The following ABCA4 variants were observed in gnomAD, a reference collection of about 807,000 sequenced individuals.
ABCA4 encodes the protein ATP binding cassette subfamily A member 4.
ABCA4 carries 196 observed loss-of-function variants against 263.7 expected under a neutral mutation model. The ratio of observed to expected loss-of-function variants is 0.74; its 90% CI spans 0.66 to 0.84. The LOEUF (loss-of-function observed/expected upper bound fraction) is 0.84, where lower values mean the gene tolerates loss of function less well. ABCA4 is among the 40% of genes least tolerant of loss of function. ABCA4 has a pLI of 0.00. For missense variants in ABCA4, 2,792 were observed against 2,855.1 expected (o/e 0.98, Z 0.50); for synonymous variants, 1,133 against 1,094.2 (o/e 1.04, Z -0.70).
In ABCA4 at chr1:94,060,569, T is replaced by G; in HGVS notation, c.2128A>C (p.Met710Leu). 1 of 1,614,162 alleles carries G rather than the reference T, an allele frequency of 6.2e-7. No homozygotes were observed. Among genetic ancestry groups the G allele is most frequent in the Non-Finnish European group, 8.5e-7 (1 of 1,180,026 alleles). Residue 710 changes from methionine (M) to leucine (L), a missense_variant, in exon 14 of 50, where the codon ATG becomes CTG. By Grantham distance (15) the Met-to-Leu change is conservative (BLOSUM62 2). Transcript: ENST00000370225. ...WFLDSFSIMS[M>L]SIFLLTIFIM... ...AATATCGTCAGGAGGAAGATGCTCATCGACATGATGGAGAAGCTGTCCAGG... is the reference window on the plus strand; with the variant it reads ...AATATCGTCAGGAGGAAGATGCTCAGCGACATGATGGAGAAGCTGTCCAGG...
chr1:94,030,582 A>G, intron 28 of ABCA4, 56 bp from the exon 29 acceptor site: 1 of 1,504,052 alleles, frequency 6.6e-7, no homozygotes, highest in East Asian at 2.3e-5. Flanking sequence ...AACATCATGC[A>G]ACTCAGAGCC....
intron 11 of ABCA4, among the ~76,000 whole-genome samples, chr1:94,064,370 C>T (rs1229569656): frequency 2.0e-5 from 3 of 152,152 alleles, no homozygotes; most frequent in Non-Finnish European, 4.4e-5. Context: ...AGCGGAGGGA[C>T]GCAGCTAAGT....
intron 4 of ABCA4, 88 bp from the exon 5 acceptor site, chr1:94,103,230 T>C: frequency 1.3e-6 from 2 of 1,505,874 alleles, no homozygotes; most frequent in Non-Finnish European, 9.2e-7. Context: ...GAAACACTTG[T>C]AACTCAACTC....
intron 17 of ABCA4, among the ~76,000 whole-genome samples, chr1:94,049,738 A>T (rs534666905): frequency 6.6e-6 from 1 of 152,196 alleles, no homozygotes; most frequent in African/African-American, 2.4e-5. Context: ...GCATTTAAGT[A>T]TCTTGGAATT....
chr1:94,067,799 C>T lies in ABCA4; in HGVS notation c.1555-4482G>A, dbSNP rs115568064. On this transcript the variant is annotated intron_variant, in intron 11 of 49. Coordinates refer to ENST00000370225, the MANE Select transcript of ABCA4 (RefSeq NM_000350.3). ...CTGGTCCAAGGACTTTACTCATATT[C>T]ACCCATTTCATTCTCACAACAACCT... Among the ~76,000 whole-genome samples the T allele has an allele frequency of 6.0e-3, 918 of 152,302 alleles. 10 individuals carry two copies. Among genetic ancestry groups the T allele is most frequent in the African/African-American group, 0.021 (868 of 41,556 alleles).
At chr1:93,998,242 G>C in intron 47 of ABCA4, 132 bp from the exon 48 acceptor site, 1 of 1,241,956 alleles carries the variant, frequency 8.1e-7, no homozygotes, top group African/African-American at 1.5e-5. Context: ...TGAAATCCCA[G>C]CAATTTGGGA....
chr1:94,104,711 G>A (rs934596368), intron 4 of ABCA4, among the ~76,000 whole-genome samples: 36 of 152,180 alleles, frequency 2.4e-4, no homozygotes, highest in African/African-American at 7.7e-4. Flanking sequence ...GCATAGGAAA[G>A]ATCCAAGGAC....
intron 14 of ABCA4, 92 bp downstream of exon 14, chr1:94,060,445 G>A: frequency 8.3e-7 from 1 of 1,202,578 alleles, no homozygotes; most frequent in Non-Finnish European, 1.2e-6. Context: ...TCTCCTTGGT[G>A]GCCACATGAC....
intron 11 of ABCA4, among the ~76,000 whole-genome samples, chr1:94,063,937 GA>G (rs4147888): frequency 0.3 from 44,039 of 147,648 alleles, 6,888 homozygotes; most frequent in East Asian, 0.68. Flanking sequence ...CCTGGAAGAG[GA>G]AAAAAAAAAA....
intron 19 of ABCA4, 54 bp from the exon 20 acceptor site, chr1:94,044,798 A>G (rs1422144168): frequency 6.2e-7 from 1 of 1,613,746 alleles, no homozygotes; most frequent in Non-Finnish European, 8.5e-7. Context: ...AACATGCCTT[A>G]GGAGGGCCAC....
At chr1:94,003,838 A>G (rs1332208113) in intron 44 of ABCA4, among the ~76,000 whole-genome samples, 1 of 151,802 alleles carries the variant, frequency 6.6e-6, no homozygotes, top group Non-Finnish European at 1.5e-5. Context: ...GGGTCTCCCT[A>G]TGTTGCACAG....
chr1:94,014,713 G>A (rs1659675282), intron 37 of ABCA4, 23 bp from the exon 38 acceptor site: 1 of 1,614,038 alleles, frequency 6.2e-7, no homozygotes, highest in South Asian at 1.1e-5. Flanking sequence ...AGACAACTCA[G>A]AGTGATGGAG....
At chr1:94,018,511 G>A (rs1239801431) in intron 36 of ABCA4, 1 of 453,952 alleles carries the variant, frequency 2.2e-6, no homozygotes, top group African/African-American at 2.0e-5. Context: ...GTATTGTTAA[G>A]TGATAGCTGC....
Position 94,117,234 on chromosome 1 carries a change from C to A in ABCA4, c.66+3746G>T, listed in dbSNP as rs141122431. ...GCTCTGTTTTCAATTTAACAGAAGG[C>A]AGCCAAGGCCTAAAATGAGCCCCAT... is the stretch of plus-strand genomic sequence containing the variant. On this transcript the variant is annotated intron_variant, in intron 1 of 49. Transcript: ENST00000370225. 1.8e-4 allele frequency among the ~76,000 whole-genome samples: 28 copies of A among 152,148 alleles called. 1 individual carries two copies. The highest frequency in any genetic ancestry group is 1.7e-3 in the Admixed American group (26 of 15,288).
At chr1:94,088,224 CA>C (rs1303509225) in intron 6 of ABCA4, among the ~76,000 whole-genome samples, 8 of 152,162 alleles carry the variant, frequency 5.3e-5, no homozygotes, top group African/African-American at 1.9e-4. Context: ...ACATTTTGAT[CA>C]TGTCCTTTTC....
At chr1:94,029,134 G>C (rs972097938) in intron 30 of ABCA4, among the ~76,000 whole-genome samples, 8 of 152,042 alleles carry the variant, frequency 5.3e-5, no homozygotes, top group Middle Eastern at 3.4e-3. Flanking sequence ...TGACTTACCT[G>C]TGTTTTCTAA....
In ABCA4 at chr1:94,044,716, T is replaced by A; in HGVS notation, c.2947A>T (p.Thr983Ser). ...LSILTGLLPP[T>S]SGTVLVGGRD... ...CCCCCAACGAGCACAGTCCCAGAGG[T>A]TGGTGGCAACAGACCCGTCAGGATG... is the stretch of plus-strand genomic sequence containing the variant. Residue 983 changes from threonine (T) to serine (S), a missense_variant, in exon 20 of 50, where the codon ACC (threonine) becomes TCC (serine). Coordinates refer to ENST00000370225, the MANE Select transcript of ABCA4 (RefSeq NM_000350.3). The A allele has an allele frequency of 1.2e-6, 2 of 1,614,016 alleles. No individual in the cohort carries two copies. The highest frequency in any genetic ancestry group is 1.6e-4 in the Middle Eastern group (1 of 6,062).
At chr1:94,110,431 G>A (rs1662572896) in intron 3 of ABCA4, among the ~76,000 whole-genome samples, 1 of 152,170 alleles carries the variant, frequency 6.6e-6, no homozygotes, top group Non-Finnish European at 1.5e-5. Flanking sequence ...ATCATACTGA[G>A]CTCCCCCAAG....
At chr1:94,042,522 G>A (rs1660521052) in intron 22 of ABCA4, among the ~76,000 whole-genome samples, 1 of 152,182 alleles carries the variant, frequency 6.6e-6, no homozygotes, top group Non-Finnish European at 1.5e-5. Context: ...CAGGTCAAGA[G>A]AATTTTCTAA....
Sources: allele counts gnomAD v4.1 joint callset (sites outside exome capture counted in the v4.1 genomes callset), GRCh38; gene constraint gnomAD v4.1.1; transcripts MANE v1.5; gene names NCBI Gene and HGNC (gene_info 2026-07-23, HGNC 2026-07-21).